ALDH3B1: variants seen among roughly 807,000 people sequenced by gnomAD.
ALDH3B1 encodes the protein aldehyde dehydrogenase family 3 member B1.
ALDH3B1 carries 37 observed loss-of-function variants against 46.2 expected under a neutral mutation model. That is an observed-to-expected ratio of 0.80 (90% CI 0.62 to 1.05). ALDH3B1 has a LOEUF of 1.05. ALDH3B1 is among the 50% of genes least tolerant of loss of function. The probability of loss-of-function intolerance (pLI) is 0.00; values close to 1 mark genes in which losing one functional copy is unlikely to be tolerated. For synonymous variants in ALDH3B1, 283 were observed against 281.0 expected (o/e 1.01, Z -0.07); for missense variants, 603 against 665.5 (o/e 0.91, Z 1.03).
Position 68,019,193 on chromosome 11 carries a change from T to C in ALDH3B1, c.418T>C (p.Ser140Pro). Residue 140 changes from serine (S) to proline (P), a missense_variant, in exon 5 of 10, where the codon TCG (serine) becomes CCG (proline). Coordinates refer to ENST00000342456, the MANE Select transcript of ALDH3B1 (RefSeq NM_000694.4). ...AAGNCVVLKP[S>P]EISKNVEKIL... is the part of the protein sequence containing the mutation. ...AGGGAACTGTGTGGTGCTGAAGCCA[T>C]CGGAGATTAGCAAGAACGTCGAGAA... is the stretch of plus-strand genomic sequence containing the variant. 1 of 1,613,346 alleles carries C rather than the reference T, an allele frequency of 6.2e-7. No individual in the cohort carries two copies. Among genetic ancestry groups the C allele is most frequent in the South Asian group, 1.1e-5 (1 of 90,858 alleles).
chr11:68,028,269 C>T lies in ALDH3B1; in HGVS notation c.*330C>T. 2.1e-6 allele frequency: 1 copy of T among 476,508 alleles called. No homozygotes were observed. Among genetic ancestry groups the T allele is most frequent in the Non-Finnish European group, 4.0e-6 (1 of 247,952 alleles). 29.5% of individuals were successfully genotyped at this position (476,508 alleles called of 1,614,324 possible). On this transcript the variant is annotated 3_prime_UTR_variant, in exon 10 of 10. Coordinates refer to ENST00000342456, the MANE Select transcript of ALDH3B1 (RefSeq NM_000694.4). ...CACCCCTCTCCTGTGGAGCGGGCGT[C>T]CGAGGGGCCCTGGCATCTGACTCAG...
At chr11:68,021,373 G>C in intron 6 of ALDH3B1, 112 bp from the exon 7 acceptor site, 1 of 1,475,888 alleles carries the variant, frequency 6.8e-7, no homozygotes. Flanking sequence ...CCAGGCGAGG[G>C]CTGCTGCCCG....
chr11:68,027,893 T>G lies in ALDH3B1; in HGVS notation c.1361T>G (p.Leu454Arg). 6.4e-7 allele frequency: 1 copy of G among 1,562,592 alleles called. No individual in the cohort carries two copies. Among genetic ancestry groups the G allele is most frequent in the Non-Finnish European group, 8.6e-7 (1 of 1,156,944 alleles). Reference sequence around the variant, plus strand: ...CAATCGCCGCGCCGCCTGAGGATGCTGCTGGTGGCCATGGAGGCCCAAGGC... The same window carrying G: ...CAATCGCCGCGCCGCCTGAGGATGCGGCTGGTGGCCATGGAGGCCCAAGGC... ...PPQSPRRLRMLLVAMEAQGCS... is the reference protein window; with the variant it reads ...PPQSPRRLRMRLVAMEAQGCS... Residue 454 changes from leucine (L) to arginine (R), a missense_variant, in exon 10 of 10, where the codon CTG (leucine) becomes CGG (arginine). By Grantham distance (102) the Leu-to-Arg change is moderately radical. Coordinates refer to ENST00000342456, the MANE Select transcript of ALDH3B1 (RefSeq NM_000694.4).
At chr11:68,019,857 C>CT in intron 6 of ALDH3B1, 61 bp downstream of exon 6, 1 of 1,539,888 alleles carries the variant, frequency 6.5e-7, no homozygotes, top group Non-Finnish European at 8.9e-7. Flanking sequence ...CTCAGGGGTC[C>CT]TGTCCCTAAC....
At chr11:68,023,841 A>G (rs368577534) in intron 8 of ALDH3B1, among the ~76,000 whole-genome samples, 6 of 151,998 alleles carry the variant, frequency 3.9e-5, no homozygotes, top group Admixed American at 6.5e-5. Context: ...CATGAGTTTG[A>G]GACCAGCGCT....
At chr11:68,019,682 C>T (rs1857440284) in intron 5 of ALDH3B1, 33 bp from the exon 6 acceptor site, 1 of 1,610,108 alleles carries the variant, frequency 6.2e-7, no homozygotes, top group Non-Finnish European at 8.5e-7. Context: ...GAGCTGGGGT[C>T]CCAGAAGGAG....
At chr11:68,023,730 G>A (rs1188114771) in intron 8 of ALDH3B1, among the ~76,000 whole-genome samples, 1 of 152,028 alleles carries the variant, frequency 6.6e-6, no homozygotes, top group African/African-American at 2.4e-5. Context: ...ATGGTGCTTA[G>A]ATGGGTCAAA....
At chr11:68,011,750 G>T (rs2134378055) in intron 1 of ALDH3B1, among the ~76,000 whole-genome samples, 2 of 152,242 alleles carry the variant, frequency 1.3e-5, no homozygotes, top group Middle Eastern at 3.4e-3. Flanking sequence ...TGATGTCCTT[G>T]TCTCCCCAAC....
At chr11:68,027,680 C>A in intron 9 of ALDH3B1, 69 bp from the exon 10 acceptor site, 1 of 1,483,930 alleles carries the variant, frequency 6.7e-7, no homozygotes. Flanking sequence ...AGTAGCCCGC[C>A]TAGGCCCCAC....
intron 2 of ALDH3B1, chr11:68,017,188 C>A (rs1162831236): frequency 6.6e-6 from 1 of 152,352 alleles, no homozygotes; most frequent in African/African-American, 2.4e-5. Flanking sequence ...AAAGTCAGGT[C>A]CCAGGTGACC....
At chr11:68,015,510 G>T in intron 2 of ALDH3B1, 51 bp downstream of exon 2, 1 of 1,554,922 alleles carries the variant, frequency 6.4e-7, no homozygotes, top group South Asian at 1.2e-5. Context: ...GGGGGGCATG[G>T]AGGGCAGCTG....
At chr11:68,027,677 C>T (rs1227966837) in intron 9 of ALDH3B1, 72 bp from the exon 10 acceptor site, 20 of 1,462,582 alleles carry the variant, frequency 1.4e-5, no homozygotes, top group East Asian at 2.5e-5. Context: ...AGAAGTAGCC[C>T]GCCTAGGCCC....
chr11:68,014,157 CAAAT>C (rs767265131), intron 1 of ALDH3B1, among the ~76,000 whole-genome samples: 5 of 152,180 alleles, frequency 3.3e-5, no homozygotes, highest in Non-Finnish European at 7.3e-5. Flanking sequence ...CACTAGGTCT[CAAAT>C]AAGTAGGCAC....
chr11:68,021,371 G>A (rs747358277), intron 6 of ALDH3B1, 114 bp from the exon 7 acceptor site: 2 of 1,469,748 alleles, frequency 1.4e-6, no homozygotes, highest in East Asian at 2.3e-5. Flanking sequence ...GGCCAGGCGA[G>A]GGCTGCTGCC....
chr11:68,021,117 G>A (rs1565137269), intron 6 of ALDH3B1, among the ~76,000 whole-genome samples: 1 of 152,186 alleles, frequency 6.6e-6, no homozygotes, highest in Non-Finnish European at 1.5e-5. Context: ...AGGGATCCCC[G>A]AAGTTTCCAA....
At chr11:68,023,303 C>CTT (rs34494820) in intron 8 of ALDH3B1, among the ~76,000 whole-genome samples, 27 of 119,000 alleles carry the variant, frequency 2.3e-4, no homozygotes, top group Admixed American at 3.4e-4. Flanking sequence ...TCCACTTGAA[C>CTT]TTTTTTTTTT....
At position 68,019,265 on chromosome 11, in the gene ALDH3B1, G is replaced by A; in HGVS notation, c.480+10G>A. 6.2e-7 allele frequency: 1 copy of A among 1,610,734 alleles called. No individual in the cohort carries two copies. Among genetic ancestry groups the A allele is most frequent in the Non-Finnish European group, 8.5e-7 (1 of 1,178,524 alleles). On this transcript the variant is annotated intron_variant, in intron 5 of 9. Transcript: ENST00000342456. ...CCAATACGTGGACCAGGTGAGCAGG[G>A]CTGCCGGGCAGGTAGAGCGGGAACA... is the stretch of plus-strand genomic sequence containing the variant.
chr11:68,008,772 G>A (rs308338), upstream of ALDH3B1: 74,871 of 152,220 alleles, frequency 0.49, 19,059 homozygotes, highest in African/African-American at 0.62. Flanking sequence ...CCCCGGGGCC[G>A]GGAGCTACGG....
At chr11:68,020,112 G>T (rs1399969394) in intron 6 of ALDH3B1, among the ~76,000 whole-genome samples, 1 of 152,230 alleles carries the variant, frequency 6.6e-6, no homozygotes, top group African/African-American at 2.4e-5. Context: ...AGCCCTCTCT[G>T]CAGGCAGATG....
Sources: allele counts gnomAD v4.1 joint callset (sites outside exome capture counted in the v4.1 genomes callset), GRCh38; gene constraint gnomAD v4.1.1; transcripts MANE v1.5; gene names NCBI Gene and HGNC (gene_info 2026-07-23, HGNC 2026-07-21).